The following RNU6-9 variants were observed in gnomAD, a reference collection of about 807,000 sequenced individuals.
RNU6-9 encodes the protein RNA, U6 small nuclear 9.
chr19:893,580 T>C (rs1483399099), exon 1 of RNU6-9: 4 of 120,850 alleles, frequency 3.3e-5, no homozygotes, highest in African/African-American at 8.9e-5. Context: ...CGTGAAGCGT[T>C]CCATATTTTT....
At chr19:893,499 G>T (rs924074753) in exon 1 of RNU6-9, 1 of 152,182 alleles carries the variant, frequency 6.6e-6, no homozygotes, top group Non-Finnish European at 1.5e-5. Flanking sequence ...CGCTTCGGCA[G>T]CACATATACT....
chr19:893,548 G>C (rs539789829), exon 1 of RNU6-9: 1 of 151,840 alleles, frequency 6.6e-6, no homozygotes, highest in East Asian at 1.9e-4. Context: ...CATGGCCCCT[G>C]CGCAAGGATG....
chr19:893,586 T>A (rs78469799), exon 1 of RNU6-9: 4 of 40,602 alleles, frequency 9.9e-5, no homozygotes, highest in South Asian at 1.2e-3. Context: ...GCGTTCCATA[T>A]TTTTTTTTTT....
chr19:893,572 T>C (rs1051938285), exon 1 of RNU6-9: 3 of 145,180 alleles, frequency 2.1e-5, no homozygotes, highest in African/African-American at 7.6e-5. Flanking sequence ...CGCAAATTCG[T>C]GAAGCGTTCC....
At chr19:893,536 A>AG (rs755536543) in exon 1 of RNU6-9, 1 of 152,038 alleles carries the variant, frequency 6.6e-6, no homozygotes, top group Non-Finnish European at 1.5e-5. Flanking sequence ...AGAGAAGATT[A>AG]GCATGGCCCC....
exon 1 of RNU6-9, chr19:893,584 T>A (rs942423196): frequency 8.9e-5 from 10 of 112,306 alleles, no homozygotes; most frequent in African/African-American, 1.9e-4. Context: ...AAGCGTTCCA[T>A]ATTTTTTTTT....
exon 1 of RNU6-9, chr19:893,585 A>AT (rs56019058): frequency 0.025 from 3,692 of 146,606 alleles, 124 homozygotes; most frequent in East Asian, 0.15. Context: ...AGCGTTCCAT[A>AT]TTTTTTTTTT....
chr19:893,487 C>CA (rs1376831928), exon 1 of RNU6-9: 2 of 152,190 alleles, frequency 1.3e-5, no homozygotes, highest in African/African-American at 4.8e-5. Context: ...AATATTCGTG[C>CA]TCGCTTCGGC....
At chr19:893,554 G>A (rs541004176) in exon 1 of RNU6-9, 35 of 151,904 alleles carry the variant, frequency 2.3e-4, no homozygotes, top group African/African-American at 5.6e-4. Context: ...CCCTGCGCAA[G>A]GATGACACGC....
At chr19:893,515 T>TG (rs1415889414) in exon 1 of RNU6-9, 2 of 152,232 alleles carry the variant, frequency 1.3e-5, no homozygotes, top group South Asian at 2.1e-4. Flanking sequence ...ATACTAAAAT[T>TG]GGAACGATAC....
rs896909782 is a variant in RNU6-9 at position 893,486 on chromosome 19, G to C, written n.3G>C. ...GCTGGTGGTGGAACTCAATATTCGT[G>C]CTCGCTTCGGCAGCACATATACTAA... On this transcript the variant is annotated non_coding_transcript_exon_variant, in exon 1 of 1. Coordinates refer to ENST00000384776, the Ensembl canonical transcript of RNU6-9. 3.9e-5 allele frequency: 6 copies of C among 152,280 alleles called. No individual in the cohort carries two copies. In the South Asian group the frequency reaches 8.3e-4, roughly 21 times the overall value. The allele number at this position is 152,280 out of a possible 1,614,324, so 9.4% of individuals were successfully genotyped here.
At position 893,490 on chromosome 19, in the gene RNU6-9, G is replaced by C. The variant is rs535471999; in HGVS notation, n.7G>C. On this transcript the variant is annotated non_coding_transcript_exon_variant, in exon 1 of 1. Transcript: ENST00000384776. ...GTGGTGGAACTCAATATTCGTGCTC[G>C]CTTCGGCAGCACATATACTAAAATT... 1.3e-5 allele frequency: 2 copies of C among 152,258 alleles called. No individual in the cohort carries two copies. Among genetic ancestry groups the C allele is most frequent in the African/African-American group, 4.8e-5 (2 of 41,552 alleles). The allele number at this position is 152,258 out of a possible 1,614,324, so 9.4% of individuals were successfully genotyped here.
chr19:893,583 A>C (rs890887412), exon 1 of RNU6-9: 1 of 113,424 alleles, frequency 8.8e-6, no homozygotes, highest in Non-Finnish European at 2.1e-5. Flanking sequence ...GAAGCGTTCC[A>C]TATTTTTTTT....
exon 1 of RNU6-9, chr19:893,566 A>G (rs1226057620): frequency 6.7e-6 from 1 of 149,962 alleles, no homozygotes; most frequent in African/African-American, 2.5e-5. Flanking sequence ...ATGACACGCA[A>G]ATTCGTGAAG....
At chr19:893,538 C>G (rs183955762) in exon 1 of RNU6-9, 3 of 151,468 alleles carry the variant, frequency 2.0e-5, no homozygotes, top group East Asian at 1.9e-4. Flanking sequence ...AGAAGATTAG[C>G]ATGGCCCCTG....
exon 1 of RNU6-9, chr19:893,547 T>A (rs1017913573): frequency 6.6e-6 from 1 of 151,894 alleles, no homozygotes; most frequent in Non-Finnish European, 1.5e-5. Flanking sequence ...GCATGGCCCC[T>A]GCGCAAGGAT....
chr19:893,584 T>TG (rs2036693961), exon 1 of RNU6-9: 1 of 112,306 alleles, frequency 8.9e-6, no homozygotes, highest in African/African-American at 3.2e-5. Context: ...AAGCGTTCCA[T>TG]ATTTTTTTTT....
At chr19:893,490 G>A (rs535471999) in exon 1 of RNU6-9, 1 of 152,140 alleles carries the variant, frequency 6.6e-6, no homozygotes, top group East Asian at 1.9e-4. Flanking sequence ...ATTCGTGCTC[G>A]CTTCGGCAGC....
At chr19:893,516 G>GTT (rs557359337) in exon 1 of RNU6-9, 2 of 152,210 alleles carry the variant, frequency 1.3e-5, no homozygotes, top group East Asian at 3.9e-4. Context: ...TACTAAAATT[G>GTT]GAACGATACA....
Sources: allele counts gnomAD v4.1 joint callset, GRCh38; gene constraint gnomAD v4.1.1; transcripts MANE v1.5; gene names NCBI Gene and HGNC (gene_info 2026-07-23, HGNC 2026-07-21).